Variants in NUDC observed in about 807,000 individuals in gnomAD.
NUDC encodes the protein nuclear distribution C, dynein complex regulator.
In NUDC, 14 loss-of-function variants were observed where a neutral mutation model predicts 45.0. That is an observed-to-expected ratio of 0.31 (90% CI 0.21 to 0.49). The LOEUF (loss-of-function observed/expected upper bound fraction) is 0.49. NUDC is among the 20% of genes least tolerant of loss of function. NUDC has a pLI of 0.99. For missense variants in NUDC, 323 were observed against 426.2 expected (o/e 0.76, Z 2.13); for synonymous variants, 153 against 156.7 (o/e 0.98, Z 0.17).
intron 1 of NUDC, 113 bp downstream of exon 1, chr1:26,922,042 C>A: frequency 9.2e-7 from 1 of 1,087,032 alleles, no homozygotes; most frequent in Non-Finnish European, 1.3e-6. Flanking sequence ...TTCTGGGATG[C>A]CCCTACATTC....
At chr1:26,916,109 G>A (rs1055215707) in intron 3 of NUDC, among the ~76,000 whole-genome samples, 2 of 152,008 alleles carry the variant, frequency 1.3e-5, no homozygotes, top group African/African-American at 4.8e-5. Context: ...ATACACACTC[G>A]GTTACGGTGG....
At chr1:26,918,796 G>C (rs976411986), upstream of NUDC, among the ~76,000 whole-genome samples, 6 of 151,426 alleles carry the variant, frequency 4.0e-5, no homozygotes, top group East Asian at 2.0e-4. Flanking sequence ...GGCTGGTCTC[G>C]AACTCCCGAC....
At chr1:26,907,087 T>A (rs2082005867) in intron 2 of NUDC, among the ~76,000 whole-genome samples, 1 of 152,068 alleles carries the variant, frequency 6.6e-6, no homozygotes, top group Admixed American at 6.6e-5. Context: ...CCCTGTCATC[T>A]CTCCAGGCCC....
chr1:26,908,040 G>A (rs535241182), intron 2 of NUDC, among the ~76,000 whole-genome samples: 12 of 152,164 alleles, frequency 7.9e-5, no homozygotes, highest in South Asian at 2.1e-4. Flanking sequence ...TTAGCCAGGC[G>A]TGGTGGTGGG....
rs568681621 is a variant in NUDC at position 26,906,857 on chromosome 1, T to A, written c.-15-4271T>A. On this transcript the variant is annotated intron_variant, in intron 2 of 6. Coordinates refer to the NUDC transcript ENST00000435827. ...GAGCAAGACTCCGTCTCAAAAAAAA[T>A]AATAATAATAAAAATAAATAAATAA... Among the ~76,000 whole-genome samples the A allele has an allele frequency of 3.4e-3, 517 of 151,840 alleles. 5 individuals are homozygous for A. The highest frequency in any genetic ancestry group is 0.012 in the African/African-American group (481 of 41,370).
chr1:26,933,716 T>TGGC (rs1163566638), intron 2 of NUDC, among the ~76,000 whole-genome samples: 1 of 151,900 alleles, frequency 6.6e-6, no homozygotes, highest in East Asian at 1.9e-4. Flanking sequence ...ATCCAGCCAG[T>TGGC]TTTTAGTTTT....
Position 26,942,960 on chromosome 1 carries a change from G to A in NUDC, c.636G>A (p.Lys212=). 6.2e-7 allele frequency: 1 copy of A among 1,614,180 alleles called. No individual in the cohort carries two copies. The highest frequency in any genetic ancestry group is 8.5e-7 in the Non-Finnish European group (1 of 1,180,024). ...GGCGGCACCTCCGGGTGGGGCTCAA[G>A]GGGCAGCCAGCGATCATTGATGGGG... ...IQRRHLRVGL[K]GQPAIIDGEL... Residue 212 remains lysine (K), a synonymous_variant, in exon 6 of 9, where the codon AAG becomes AAA. Coordinates refer to ENST00000321265, the MANE Select transcript of NUDC (RefSeq NM_006600.4).
At chr1:26,911,144 T>C in exon 3 of NUDC, 1 of 470,940 alleles carries the variant, frequency 2.1e-6, no homozygotes, top group Non-Finnish European at 4.4e-6. Flanking sequence ...GGGAAGTGAA[T>C]GATCTCAAAC....
At position 26,946,384 on chromosome 1, in the gene NUDC, G is replaced by A. The variant is rs537744403; in HGVS notation, c.*203G>A. On this transcript the variant is annotated 3_prime_UTR_variant, in exon 9 of 9. Transcript: ENST00000321265. ...TTGGCCTACTGTTACACATTAAAAC[G>A]ATTTGCCCAGCTCCTTCTGTGTCCT... 1,455 of 610,596 alleles carry A rather than the reference G, an allele frequency of 2.4e-3. 4 individuals are homozygous for A. Among genetic ancestry groups the A allele is most frequent in the Non-Finnish European group, 3.6e-3 (1,224 of 338,908 alleles). The allele number at this position is 610,596 out of a possible 1,614,324, so 37.8% of individuals were successfully genotyped here.
At chr1:26,926,488 C>A (rs1275605153) in intron 2 of NUDC, among the ~76,000 whole-genome samples, 1 of 152,186 alleles carries the variant, frequency 6.6e-6, no homozygotes, top group Non-Finnish European at 1.5e-5. Context: ...TCACTAACAC[C>A]TCTGGCCTTT....
intron 8 of NUDC, 119 bp from the exon 9 acceptor site, chr1:26,946,011 C>G: frequency 2.0e-6 from 2 of 1,007,148 alleles, no homozygotes; most frequent in South Asian, 1.3e-5. Flanking sequence ...CTGCTCCTGC[C>G]CAGCCTGGCT....
intron 6 of NUDC, among the ~76,000 whole-genome samples, chr1:26,944,585 C>T (rs576943694): frequency 3.3e-5 from 5 of 152,084 alleles, no homozygotes; most frequent in South Asian, 2.1e-4. Flanking sequence ...GGGCAGATCA[C>T]GAGGTCAGGA....
At chr1:26,938,018 G>C (rs1263010285) in intron 2 of NUDC, among the ~76,000 whole-genome samples, 1 of 152,238 alleles carries the variant, frequency 6.6e-6, no homozygotes, top group Non-Finnish European at 1.5e-5. Context: ...TGAGAAGGCT[G>C]GCATGGTGGC....
chr1:26,945,754 T>A, intron 8 of NUDC, 68 bp downstream of exon 8: 1 of 1,094,340 alleles, frequency 9.1e-7, no homozygotes, highest in Non-Finnish European at 1.4e-6. Context: ...GTGACAGCAG[T>A]GAGTGGATCA....
chr1:26,915,605 C>T (rs1239321109), intron 3 of NUDC, among the ~76,000 whole-genome samples: 1 of 152,148 alleles, frequency 6.6e-6, no homozygotes, highest in African/African-American at 2.4e-5. Flanking sequence ...GGCATCTGCT[C>T]CAGAATCCAT....
At position 26,945,393 on chromosome 1, in the gene NUDC, A is replaced by T; in HGVS notation, c.745A>T (p.Asn249Tyr). The T allele has an allele frequency of 6.2e-7, 1 of 1,613,998 alleles. No homozygotes were observed. The highest frequency in any genetic ancestry group is 8.5e-7 in the Non-Finnish European group (1 of 1,179,888). The part of the protein sequence containing the change: ...KVVTVHLEKI[N>Y]KMEWWSRLVS... ...CCTCTGGTTGTTCTCTTCACAGATC[A>T]ATAAGATGGAGTGGTGGAGCCGCTT... The change falls in exon 7 of 9, where the codon AAT becomes TAT. Residue 249 changes from asparagine (N) to tyrosine (Y), a missense_variant. Asn to Tyr is a moderately radical substitution (Grantham distance 143, BLOSUM62 -2). This residue lies in a region of NUDC where 245 missense variants were observed against 278.8 expected (regional missense o/e 0.88). Coordinates refer to ENST00000321265, the MANE Select transcript of NUDC (RefSeq NM_006600.4).
chr1:26,926,201 A>G (rs1194040957), intron 2 of NUDC, among the ~76,000 whole-genome samples: 6 of 152,078 alleles, frequency 3.9e-5, no homozygotes, highest in Non-Finnish European at 8.8e-5. Context: ...TATAATAGAC[A>G]TAAACAAGAG....
chr1:26,936,008 G>T (rs1219007124), intron 2 of NUDC, among the ~76,000 whole-genome samples: 1 of 146,756 alleles, frequency 6.8e-6, no homozygotes, highest in African/African-American at 2.5e-5. Context: ...AGTCTCTGGT[G>T]CTGAGGCGTG....
chr1:26,929,460 C>T (rs911541330), intron 2 of NUDC, among the ~76,000 whole-genome samples: 1 of 151,772 alleles, frequency 6.6e-6, no homozygotes, highest in Non-Finnish European at 1.5e-5. Flanking sequence ...TACTTACATC[C>T]GTAGCAGTTA....
Sources: gnomAD v4.1 joint callset for allele counts (sites outside exome capture counted in the v4.1 genomes callset) on GRCh38, gnomAD v4.1.1 for gene constraint, gnomAD v4.1.1 regional missense constraint, MANE v1.5 for transcripts, NCBI Gene and HGNC (gene_info 2026-07-23, HGNC 2026-07-21) for gene names.